Variants in CSRP3 observed in about 807,000 individuals in gnomAD.
CSRP3 encodes the protein cysteine and glycine-rich protein 3.
A neutral mutation model predicts 24.3 loss-of-function variants in CSRP3; 24 were observed. The ratio of observed to expected loss-of-function variants is 0.99; its 90% CI spans 0.71 to 1.39. CSRP3 has a LOEUF of 1.39. CSRP3 is among the 40% of genes most tolerant of loss of function. CSRP3 has a pLI of 0.00. For synonymous variants in CSRP3, 105 were observed against 94.0 expected (o/e 1.12, Z -0.68); for missense variants, 240 against 249.0 (o/e 0.96, Z 0.24).
intron 4 of CSRP3, among the ~76,000 whole-genome samples, chr11:19,185,729 T>C (rs1440874280): frequency 2.6e-5 from 4 of 152,224 alleles, no homozygotes; most frequent in African/African-American, 4.8e-5. Flanking sequence ...GGCCTGAAAC[T>C]GGAACTTGCA....
intron 3 of CSRP3, among the ~76,000 whole-genome samples, chr11:19,186,682 T>C (rs777423437): frequency 5.3e-5 from 8 of 152,268 alleles, no homozygotes; most frequent in Non-Finnish European, 7.3e-5. Flanking sequence ...TTGTTATTAC[T>C]ACTGTGCTTA....
intron 2 of CSRP3, among the ~76,000 whole-genome samples, chr11:19,191,873 T>C (rs1850621154): frequency 6.6e-6 from 1 of 152,134 alleles, no homozygotes; most frequent in African/African-American, 2.4e-5. Flanking sequence ...TTGGCATGTG[T>C]TGCCCCCCTG....
At chr11:19,187,256 A>G (rs905417939) in intron 3 of CSRP3, among the ~76,000 whole-genome samples, 3 of 152,262 alleles carry the variant, frequency 2.0e-5, no homozygotes, top group Admixed American at 2.0e-4. Flanking sequence ...TCTCTCTAAG[A>G]TGACTAATCA....
chr11:19,197,852 G>A (rs917054089), intron 1 of CSRP3, among the ~76,000 whole-genome samples: 7 of 152,058 alleles, frequency 4.6e-5, no homozygotes, highest in South Asian at 2.1e-4. Context: ...GAATCTAAGC[G>A]ATAGTAATAG....
chr11:19,184,482 G>A (rs1850491830), intron 5 of CSRP3, among the ~76,000 whole-genome samples: 1 of 152,182 alleles, frequency 6.6e-6, no homozygotes, highest in African/African-American at 2.4e-5. Flanking sequence ...TTAGTGCGGG[G>A]TAGGCAGGAG....
intron 4 of CSRP3, 131 bp downstream of exon 4, chr11:19,186,085 G>A (rs1390854105): frequency 8.4e-7 from 1 of 1,191,962 alleles, no homozygotes; most frequent in East Asian, 2.4e-5. Context: ...CTGAGGATGT[G>A]TGGTTTCTAA....
At chr11:19,192,213 G>A in intron 2 of CSRP3, 124 bp downstream of exon 2, 1 of 740,760 alleles carries the variant, frequency 1.3e-6, no homozygotes, top group Non-Finnish European at 2.4e-6. Flanking sequence ...CCCAGGTAAT[G>A]CTGATGCTGC....
chr11:19,196,219 C>T (rs908867473), intron 1 of CSRP3, among the ~76,000 whole-genome samples: 13 of 152,058 alleles, frequency 8.5e-5, no homozygotes, highest in African/African-American at 2.9e-4. Context: ...GCTGAGATTG[C>T]GCCACTGCAC....
intron 3 of CSRP3, 93 bp from the exon 4 acceptor site, chr11:19,186,441 G>T: frequency 1.4e-6 from 2 of 1,467,858 alleles, no homozygotes; most frequent in Non-Finnish European, 1.9e-6. Flanking sequence ...TCACTTCCGT[G>T]TGTCTCAGAC....
At chr11:19,192,115 C>T (rs1350823659) in intron 2 of CSRP3, among the ~76,000 whole-genome samples, 4 of 152,060 alleles carry the variant, frequency 2.6e-5, no homozygotes, top group Admixed American at 2.6e-4. Context: ...TGAATGGCCT[C>T]TGAGCTGGGC....
chr11:19,193,519 T>C (rs1565053555), intron 1 of CSRP3, among the ~76,000 whole-genome samples: 1 of 152,186 alleles, frequency 6.6e-6, no homozygotes, highest in Non-Finnish European at 1.5e-5. Context: ...TTTAAAAAAA[T>C]AATTGTCCTC....
chr11:19,187,684 C>A (rs543431076), intron 3 of CSRP3, among the ~76,000 whole-genome samples: 1 of 152,324 alleles, frequency 6.6e-6, no homozygotes, highest in East Asian at 1.9e-4. Flanking sequence ...CCCATCCTTG[C>A]AGACACACTC....
At position 19,199,044 on chromosome 11, in the gene CSRP3, T is replaced by C. The variant is rs138610723; in HGVS notation, c.-29+2910A>G. Among the ~76,000 whole-genome samples, 76 of 152,396 alleles carry C rather than the reference T, an allele frequency of 5.0e-4. 1 individual carries two copies. The highest frequency in any genetic ancestry group is 1.8e-3 in the African/African-American group (75 of 41,598). On this transcript the variant is annotated intron_variant, in intron 1 of 5. Coordinates refer to ENST00000265968, the MANE Select transcript of CSRP3 (RefSeq NM_003476.5). Reference sequence around the variant, plus strand: ...CAACTCACTCCCTGCTTGTTTTCCATGGCCCTTCTGGTTCAGACTGTGAAT... The same window carrying C: ...CAACTCACTCCCTGCTTGTTTTCCACGGCCCTTCTGGTTCAGACTGTGAAT...
intron 1 of CSRP3, among the ~76,000 whole-genome samples, chr11:19,197,092 G>T (rs114766837): frequency 6.6e-6 from 1 of 152,090 alleles, no homozygotes; most frequent in Non-Finnish European, 1.5e-5. Context: ...TGGGAAAACC[G>T]TTCAATCTCT....
At chr11:19,197,501 CTCTT>C (rs747850845) in intron 1 of CSRP3, among the ~76,000 whole-genome samples, 5,899 of 66,896 alleles carry the variant, frequency 0.088, 243 homozygotes, top group Non-Finnish European at 0.098. Flanking sequence ...CCCTCTTTTC[CTCTT>C]TCTTTCTTTC....
At chr11:19,189,302 A>G (rs1850579783) in intron 2 of CSRP3, among the ~76,000 whole-genome samples, 1 of 152,182 alleles carries the variant, frequency 6.6e-6, no homozygotes, top group Admixed American at 6.5e-5. Context: ...TCACCTAGAA[A>G]TTGCATCTCA....
chr11:19,195,279 C>T (rs934303545), intron 1 of CSRP3, among the ~76,000 whole-genome samples: 3 of 152,074 alleles, frequency 2.0e-5, no homozygotes, highest in Non-Finnish European at 4.4e-5. Context: ...AAACTACAGA[C>T]TTTCAGGGCT....
At chr11:19,190,163 C>G (rs1850592297) in intron 2 of CSRP3, among the ~76,000 whole-genome samples, 1 of 152,262 alleles carries the variant, frequency 6.6e-6, no homozygotes, top group South Asian at 2.1e-4. Flanking sequence ...TAGTAAGTTG[C>G]AGAGCCACGG....
intron 5 of CSRP3, among the ~76,000 whole-genome samples, chr11:19,184,670 T>G (rs2133506448): frequency 6.6e-6 from 1 of 152,322 alleles, no homozygotes; most frequent in East Asian, 1.9e-4. Context: ...TGTTTCCTCC[T>G]CTTCCCTTCC....
Sources: gnomAD v4.1 joint callset for allele counts (sites outside exome capture counted in the v4.1 genomes callset) on GRCh38, gnomAD v4.1.1 for gene constraint, MANE v1.5 for transcripts, NCBI Gene and HGNC (gene_info 2026-07-23, HGNC 2026-07-21) for gene names.